The following PCCA variants were observed in gnomAD, a reference collection of about 807,000 sequenced individuals.
PCCA encodes the protein propionyl-CoA carboxylase subunit alpha.
PCCA carries 74 observed loss-of-function variants against 101.3 expected under a neutral mutation model. That is an observed-to-expected ratio of 0.73 (90% CI 0.61 to 0.89). The LOEUF (loss-of-function observed/expected upper bound fraction) is 0.89, where lower values mean the gene tolerates loss of function less well. PCCA is among the 40% of genes least tolerant of loss of function. The probability of loss-of-function intolerance (pLI) is 0.00; values close to 1 mark genes in which losing one functional copy is unlikely to be tolerated. For missense variants in PCCA, 891 were observed against 907.0 expected, an observed-to-expected ratio of 0.98 and a Z score of 0.23; for synonymous variants, 294 against 313.6, an observed-to-expected ratio of 0.94 and a Z score of 0.66.
chr13:100,288,485 C>T (rs920735289), intron 12 of PCCA, among the ~76,000 whole-genome samples: 3 of 152,070 alleles, frequency 2.0e-5, no homozygotes, highest in East Asian at 3.9e-4. Context: ...TTTGTAGAGA[C>T]GAGGTTTCAC....
At chr13:100,213,922 A>C (rs2059369911) in intron 7 of PCCA, among the ~76,000 whole-genome samples, 1 of 152,196 alleles carries the variant, frequency 6.6e-6, no homozygotes, top group Non-Finnish European at 1.5e-5. Context: ...GCAAGAGATA[A>C]GGGTCTAGTT....
chr13:100,446,634 T>C (rs1437501921), intron 20 of PCCA, among the ~76,000 whole-genome samples: 1 of 152,164 alleles, frequency 6.6e-6, no homozygotes, highest in Non-Finnish European at 1.5e-5. Context: ...GAATCAACCC[T>C]CCGTTCTTAA....
chr13:100,135,743 T>C (rs1195885051), intron 4 of PCCA, among the ~76,000 whole-genome samples: 1 of 152,196 alleles, frequency 6.6e-6, no homozygotes, highest in East Asian at 1.9e-4. Context: ...TTCCCAATCT[T>C]AGTGGAAAAG....
chr13:100,501,155 G>T (rs530492545), intron 21 of PCCA, among the ~76,000 whole-genome samples: 17 of 152,104 alleles, frequency 1.1e-4, no homozygotes, highest in East Asian at 7.7e-4. Context: ...TTAAAAAAAA[G>T]AAAAAATGTG....
intron 6 of PCCA, among the ~76,000 whole-genome samples, chr13:100,194,477 G>T (rs947150099): frequency 1.3e-5 from 2 of 152,132 alleles, no homozygotes; most frequent in African/African-American, 4.8e-5. Flanking sequence ...GAGTGCAGTG[G>T]TGCAACTTCA....
At position 100,530,383 on chromosome 13, in the gene PCCA, G is replaced by T; in HGVS notation, c.*217G>T. 4.9e-6 allele frequency: 3 copies of T among 611,392 alleles called. No homozygotes were observed. Among genetic ancestry groups the T allele is most frequent in the Non-Finnish European group, 5.8e-6 (2 of 342,022 alleles). 37.9% of individuals were successfully genotyped at this position (611,392 alleles called of 1,614,324 possible). A position where few individuals can be genotyped will look rare whatever the true frequency, so the allele number is the denominator to read the frequency against. ...TGTACATATGATTTGTACTTCTGCT[G>T]TGAGATTCCCTAGTGTCAAAATTAA... On this transcript the variant is annotated 3_prime_UTR_variant, in exon 24 of 24. Transcript: ENST00000376285.
At chr13:100,121,004 CTAT>C (rs2049313781) in intron 4 of PCCA, among the ~76,000 whole-genome samples, 1 of 152,038 alleles carries the variant, frequency 6.6e-6, no homozygotes, top group South Asian at 2.1e-4. Flanking sequence ...TTTCATACTA[CTAT>C]AAGTGTAATT....
At chr13:100,459,584 A>G (rs889891708) in intron 21 of PCCA, among the ~76,000 whole-genome samples, 2 of 152,196 alleles carry the variant, frequency 1.3e-5, no homozygotes, top group African/African-American at 2.4e-5. Context: ...TAACTATCCT[A>G]TGGTAATAAC....
intron 16 of PCCA, among the ~76,000 whole-genome samples, chr13:100,310,592 G>A (rs1043439995): frequency 6.6e-6 from 1 of 152,130 alleles, no homozygotes; most frequent in African/African-American, 2.4e-5. Flanking sequence ...GTCCCAACTA[G>A]AAGTTATTTA....
intron 7 of PCCA, among the ~76,000 whole-genome samples, chr13:100,230,945 A>T (rs955359485): frequency 7.2e-5 from 11 of 152,124 alleles, no homozygotes; most frequent in African/African-American, 2.7e-4. Flanking sequence ...CTGAGGCTAC[A>T]GTTCAGTTTC....
At chr13:100,187,823 G>A (rs911951547) in intron 6 of PCCA, among the ~76,000 whole-genome samples, 1 of 152,044 alleles carries the variant, frequency 6.6e-6, no homozygotes, top group South Asian at 2.1e-4. Context: ...CTTTAGTGGC[G>A]ATTTCTGAGA....
intron 5 of PCCA, 34 bp from the exon 6 acceptor site, chr13:100,157,253 A>G: frequency 6.6e-7 from 1 of 1,508,818 alleles, no homozygotes; most frequent in East Asian, 2.3e-5. Context: ...GCAATATGAT[A>G]AAATTGAAAG....
chr13:100,452,013 TCTCTCCCTC>T lies in PCCA; in HGVS notation c.1899+2718_1899+2726del, dbSNP rs1222506591. On this transcript the variant is annotated intron_variant, in intron 21 of 23. Transcript: ENST00000376285. The stretch of plus-strand genomic sequence containing the variant: ...TTTCTCCCTCTCTCTCTCCTCTCCC[TCTCTCCCTC>T]CTCTCCCTCTCTCCTTTCCTCCTCT... 9.5e-4 allele frequency among the ~76,000 whole-genome samples: 114 copies of T among 120,512 alleles called. 3 individuals are homozygous for T. The highest frequency in any genetic ancestry group is 3.6e-3 in the African/African-American group (105 of 28,840). 79.1% of individuals were successfully genotyped at this position (120,512 alleles called of 152,430 possible).
intron 12 of PCCA, among the ~76,000 whole-genome samples, chr13:100,290,764 A>T (rs1473154243): frequency 6.6e-6 from 1 of 152,176 alleles, no homozygotes; most frequent in African/African-American, 2.4e-5. Context: ...TCTTATGATA[A>T]CTGTCATTTT....
At chr13:100,494,088 C>T (rs2085100164) in intron 21 of PCCA, among the ~76,000 whole-genome samples, 2 of 151,986 alleles carry the variant, frequency 1.3e-5, no homozygotes, top group Non-Finnish European at 2.9e-5. Flanking sequence ...ACTCAGGAGG[C>T]TGAGGCGGGA....
chr13:100,431,719 A>G (rs922539408), intron 20 of PCCA, among the ~76,000 whole-genome samples: 1 of 152,008 alleles, frequency 6.6e-6, no homozygotes, highest in Admixed American at 6.6e-5. Context: ...ACAAAAAATT[A>G]GCTGGGTGTG....
chr13:100,108,593 A>T (rs1037670827), intron 2 of PCCA, among the ~76,000 whole-genome samples: 1 of 152,148 alleles, frequency 6.6e-6, no homozygotes, highest in African/African-American at 2.4e-5. Context: ...CATGCTGTTC[A>T]TGTGCTCCCT....
At chr13:100,442,001 T>A (rs1321471827) in intron 20 of PCCA, among the ~76,000 whole-genome samples, 1 of 151,182 alleles carries the variant, frequency 6.6e-6, no homozygotes, top group East Asian at 1.9e-4. Flanking sequence ...TTTTTTTTTT[T>A]TTTTATTTTT....
intron 10 of PCCA, among the ~76,000 whole-genome samples, chr13:100,264,078 T>C (rs2062747482): frequency 6.9e-6 from 1 of 144,472 alleles, no homozygotes; most frequent in Non-Finnish European, 1.5e-5. Flanking sequence ...CTGTATATCG[T>C]ATATATACGG....
Sources: gnomAD v4.1 joint callset for allele counts (sites outside exome capture counted in the v4.1 genomes callset) on GRCh38, gnomAD v4.1.1 for gene constraint, MANE v1.5 for transcripts, NCBI Gene and HGNC (gene_info 2026-07-23, HGNC 2026-07-21) for gene names.